The following HMGCS2 variants were observed in gnomAD, a reference collection of about 807,000 sequenced individuals.
HMGCS2 encodes the protein 3-hydroxy-3-methylglutaryl-CoA synthase 2, also known as hydroxymethylglutaryl-CoA synthase, mitochondrial.
A neutral mutation model predicts 57.4 loss-of-function variants in HMGCS2; 50 were observed. The observed-to-expected ratio is 0.87, with a 90% CI of 0.69 to 1.10. HMGCS2 has a LOEUF of 1.10. Among genes scored for constraint, HMGCS2 ranks in the 50% least tolerant of loss-of-function variants. HMGCS2 has a pLI of 0.00. For synonymous variants in HMGCS2, 254 were observed against 245.1 expected (o/e 1.04, Z -0.34); for missense variants, 627 against 636.5 (o/e 0.99, Z 0.16).
At chr1:119,750,338 G>T (rs1557987159) in intron 9 of HMGCS2, among the ~76,000 whole-genome samples, 1 of 152,174 alleles carries the variant, frequency 6.6e-6, no homozygotes, top group Non-Finnish European at 1.5e-5. Context: ...ATAGGTTCAG[G>T]TTCACAGCCT....
chr1:119,756,219 G>A (rs973472146), intron 5 of HMGCS2, among the ~76,000 whole-genome samples: 1 of 152,156 alleles, frequency 6.6e-6, no homozygotes, highest in African/African-American at 2.4e-5. Context: ...ACTATCTAGA[G>A]AAAATGGTAA....
chr1:119,765,371 C>T (rs56239558), intron 1 of HMGCS2, among the ~76,000 whole-genome samples: 19,596 of 152,244 alleles, frequency 0.13, 1,262 homozygotes, highest in African/African-American at 0.15. Context: ...GGATTACAGG[C>T]GTGAGCCACC....
chr1:119,758,997 G>C (rs778228608), intron 4 of HMGCS2, 121 bp downstream of exon 4: 11 of 1,030,864 alleles, frequency 1.1e-5, no homozygotes, highest in Non-Finnish European at 1.7e-5. Context: ...AAGAGGACAG[G>C]AAACAATTCT....
chr1:119,752,490 C>T (rs1296607633), intron 8 of HMGCS2, 59 bp downstream of exon 8: 16 of 1,590,832 alleles, frequency 1.0e-5, no homozygotes, highest in Non-Finnish European at 1.4e-5. Context: ...CAAAGAAATC[C>T]CTGGCTCCCA....
intron 3 of HMGCS2, 22 bp downstream of exon 3, chr1:119,759,842 T>C (rs773718771): frequency 6.2e-7 from 1 of 1,613,798 alleles, no homozygotes; most frequent in East Asian, 2.2e-5. Flanking sequence ...GCACAGCCTC[T>C]TGGTAATGGA....
intron 9 of HMGCS2, among the ~76,000 whole-genome samples, chr1:119,749,449 AT>A (rs1353407469): frequency 6.9e-6 from 1 of 145,696 alleles, no homozygotes; most frequent in Non-Finnish European, 1.5e-5. Context: ...AAGTTGACAC[AT>A]TTAACAGCCC....
intron 2 of HMGCS2, among the ~76,000 whole-genome samples, chr1:119,761,855 G>A (rs1653054836): frequency 6.6e-6 from 1 of 152,098 alleles, no homozygotes; most frequent in African/African-American, 2.4e-5. Flanking sequence ...ATTTCTTATA[G>A]TAAAAGAAAC....
chr1:119,750,916 A>T lies in HMGCS2; in HGVS notation c.1421-8T>A. On this transcript the variant is annotated splice_polypyrimidine_tract_variant and splice_region_variant and intron_variant, in intron 8 of 9. Coordinates refer to ENST00000369406, the MANE Select transcript of HMGCS2 (RefSeq NM_005518.4). ...CAGGTGGGGAGAAATTCACTGTGGA[A>T]TGAGGAGAAGAGGCAGTACTCACAA... 1 of 1,533,218 alleles carries T rather than the reference A, an allele frequency of 6.5e-7. No individual in the cohort carries two copies. 95.0% of individuals were successfully genotyped at this position (1,533,218 alleles called of 1,614,324 possible). A position where few individuals can be genotyped will look rare whatever the true frequency, so the allele number is the denominator to read the frequency against.
chr1:119,757,405 A>G lies in HMGCS2; in HGVS notation c.884T>C (p.Leu295Ser). 6.2e-7 allele frequency: 1 copy of G among 1,614,154 alleles called. No homozygotes were observed. The highest frequency in any genetic ancestry group is 8.5e-7 in the Non-Finnish European group (1 of 1,179,994). The change falls in exon 5 of 10, where the codon TTA becomes TCA. Residue 295 changes from leucine (L) to serine (S), a missense_variant. Leu to Ser is a moderately radical substitution (Grantham distance 145, BLOSUM62 -2). Transcript: ENST00000369406. ...GGGTGTATGAAAGATCATGTACTGT[A>G]AATCGTCAAGGGTGAAGGGTCGATC... ...GSDRPFTLDD[L>S]QYMIFHTPFC...
At chr1:119,763,967 T>C (rs1234681839) in intron 2 of HMGCS2, among the ~76,000 whole-genome samples, 2 of 152,234 alleles carry the variant, frequency 1.3e-5, no homozygotes, top group Non-Finnish European at 2.9e-5. Context: ...TTGTAAGAAT[T>C]AAATGAATGG....
intron 3 of HMGCS2, 134 bp downstream of exon 3, chr1:119,759,730 C>A: frequency 9.3e-7 from 1 of 1,070,098 alleles, no homozygotes; most frequent in Non-Finnish European, 1.4e-6. Flanking sequence ...CATAGACCAG[C>A]CCTTTTTAGA....
intron 1 of HMGCS2, among the ~76,000 whole-genome samples, chr1:119,767,878 A>G (rs1409989420): frequency 6.6e-6 from 1 of 152,190 alleles, no homozygotes; most frequent in Non-Finnish European, 1.5e-5. Context: ...GCATGGGGAG[A>G]GTGAGATGAT....
At chr1:119,754,316 CA>C (rs1248473269) in intron 6 of HMGCS2, among the ~76,000 whole-genome samples, 1 of 152,108 alleles carries the variant, frequency 6.6e-6, no homozygotes, top group Admixed American at 6.5e-5. Flanking sequence ...CTTGGCCTCC[CA>C]AAGTGTTGGT....
At chr1:119,753,533 T>C in intron 6 of HMGCS2, 147 bp from the exon 7 acceptor site, 1 of 633,212 alleles carries the variant, frequency 1.6e-6, no homozygotes, top group Non-Finnish European at 2.8e-6. Flanking sequence ...CTCATGCAAC[T>C]AGAAATGGGT....
chr1:119,752,745 C>T (rs1652705590), intron 7 of HMGCS2, 71 bp from the exon 8 acceptor site: 3 of 1,575,530 alleles, frequency 1.9e-6, no homozygotes, highest in African/African-American at 2.7e-5. Flanking sequence ...ACGAGTTCAA[C>T]AGAGAGCCAG....
At position 119,768,884 on chromosome 1, in the gene HMGCS2, C is replaced by T; in HGVS notation, c.-40G>A. ...GCAGAAACCCAGCAGTTCAGAAACC[C>T]AGCAGAAACCTTGAAAGAGATGCCC... On this transcript the variant is annotated 5_prime_UTR_variant, in exon 1 of 10. Transcript: ENST00000369406. 3.4e-6 allele frequency: 5 copies of T among 1,461,770 alleles called. No homozygotes were observed. Among genetic ancestry groups the T allele is most frequent in the Non-Finnish European group, 4.8e-6 (5 of 1,043,646 alleles). 90.5% of individuals were successfully genotyped at this position (1,461,770 alleles called of 1,614,324 possible).
chr1:119,756,981 T>C (rs914889988), intron 5 of HMGCS2, among the ~76,000 whole-genome samples: 30 of 152,182 alleles, frequency 2.0e-4, no homozygotes, highest in African/African-American at 7.2e-4. Flanking sequence ...TCTTTCTCCC[T>C]TCCTCTCTTT....
chr1:119,755,547 A>G lies in HMGCS2; in HGVS notation c.1067T>C (p.Leu356Pro). The G allele has an allele frequency of 6.2e-7, 1 of 1,614,134 alleles. No individual in the cohort carries two copies. The highest frequency in any genetic ancestry group is 8.5e-7 in the Non-Finnish European group (1 of 1,180,036). Residue 356 changes from leucine (L) to proline (P), a missense_variant, in exon 6 of 10, where the codon CTT (leucine) becomes CCT (proline). Physicochemically the swap from Leu to Pro is moderately conservative, Grantham distance 98 (BLOSUM62 -3). Coordinates refer to ENST00000369406, the MANE Select transcript of HMGCS2 (RefSeq NM_005518.4). Reference protein sequence around the residue: ...TYTNKDLDKALLKASQDMFDK... With the variant: ...TYTNKDLDKAPLKASQDMFDK... ...GAACATGTCCTGAGAGGCCTTTAGA[A>G]GTGCTTTATCCAGGTCCTTGTTGGT... is the stretch of plus-strand genomic sequence containing the variant.
At chr1:119,761,899 A>C (rs1477285234) in intron 2 of HMGCS2, among the ~76,000 whole-genome samples, 2 of 152,276 alleles carry the variant, frequency 1.3e-5, no homozygotes, top group African/African-American at 2.4e-5. Context: ...TACTTGTTAA[A>C]TTGACAAAGA....
Sources: allele counts gnomAD v4.1 joint callset (sites outside exome capture counted in the v4.1 genomes callset), GRCh38; gene constraint gnomAD v4.1.1; transcripts MANE v1.5; gene names NCBI Gene and HGNC (gene_info 2026-07-23, HGNC 2026-07-21).